The following NCOR2 variants were observed in gnomAD, a reference collection of about 807,000 sequenced individuals.
NCOR2 encodes nuclear receptor corepressor 2, also known as CTG repeat protein 26.
A neutral mutation model predicts 262.9 loss-of-function variants in NCOR2; 81 were observed. The ratio of observed to expected loss-of-function variants is 0.31; its 90% CI spans 0.26 to 0.37. NCOR2 has a LOEUF of 0.37. Among genes scored for constraint, NCOR2 ranks in the 10% least tolerant of loss-of-function variants. The pLI is 1.00. For synonymous variants in NCOR2, 1,659 were observed against 1,559.3 expected (o/e 1.06, Z -1.51); for missense variants, 3,385 against 3,621.4 (o/e 0.93, Z 1.68).
intron 1 of NCOR2, among the ~76,000 whole-genome samples, chr12:124,520,781 C>T (rs977560439): frequency 1.3e-5 from 2 of 152,186 alleles, no homozygotes; most frequent in Admixed American, 6.5e-5. Flanking sequence ...CCTTCGACGG[C>T]GACCACCCCT....
Position 124,562,892 on chromosome 12 carries a change from G to C in NCOR2, c.-165+4416C>G, listed in dbSNP as rs562083852. Among the ~76,000 whole-genome samples, 33 of 152,236 alleles carry C rather than the reference G, an allele frequency of 2.2e-4. No homozygotes were observed. The East Asian group carries it at 5.2e-3, about 24-fold the overall frequency. On this transcript the variant is annotated intron_variant, in intron 1 of 32. Coordinates refer to the NCOR2 transcript ENST00000458234. ...AGGATAAGCCAAAATGGAAACTGCAGCTCCTGTGTGTCCTGCGACACACAG... is the reference window on the plus strand; with the variant it reads ...AGGATAAGCCAAAATGGAAACTGCACCTCCTGTGTGTCCTGCGACACACAG...
intron 8 of NCOR2, among the ~76,000 whole-genome samples, chr12:124,431,741 C>T (rs980535679): frequency 6.0e-5 from 9 of 150,390 alleles, no homozygotes; most frequent in Non-Finnish European, 1.0e-4. Flanking sequence ...GTCACCCACA[C>T]GGTACACACA....
rs911374270 is a variant in NCOR2, at chr12:124,517,928, C to G, written c.-118+17637G>C. On this transcript the variant is annotated intron_variant, in intron 1 of 46. Coordinates refer to the NCOR2 transcript ENST00000404621. This position sits in a 1 kb window ranked among gnomAD's most constrained non-coding sequence, Gnocchi z 7.6. The stretch of plus-strand genomic sequence containing the variant: ...CCAGCTGCCCCCATTGGCTGACCTG[C>G]GGCCGGCCACTCAGCCCCCAGCCCT... Among the ~76,000 whole-genome samples, 3 of 152,168 alleles carry G rather than the reference C, an allele frequency of 2.0e-5. No individual in the cohort carries two copies. Among genetic ancestry groups the G allele is most frequent in the African/African-American group, 4.8e-5 (2 of 41,428 alleles).
intron 17 of NCOR2, among the ~76,000 whole-genome samples, chr12:124,380,793 G>A (rs2040357899): frequency 2.0e-5 from 3 of 152,150 alleles, no homozygotes; most frequent in South Asian, 4.2e-4. Context: ...GGGGGGCGGC[G>A]TGGGGTCTCT....
intron 1 of NCOR2, among the ~76,000 whole-genome samples, chr12:124,525,846 T>C (rs1593978433): frequency 6.6e-6 from 1 of 152,166 alleles, no homozygotes; most frequent in East Asian, 1.9e-4. Context: ...CCCTAACCTC[T>C]CTCTGCCCTC....
intron 13 of NCOR2, among the ~76,000 whole-genome samples, chr12:124,412,308 G>T (rs1018696862): frequency 2.0e-5 from 3 of 152,250 alleles, no homozygotes; most frequent in Non-Finnish European, 4.4e-5. Flanking sequence ...GCGGAGAAGG[G>T]CCTGGTGCAA....
upstream of NCOR2, among the ~76,000 whole-genome samples, chr12:124,499,527 G>A (rs1453261125): frequency 6.6e-6 from 1 of 152,252 alleles, no homozygotes; most frequent in Non-Finnish European, 1.5e-5. Flanking sequence ...GCTCCAGCTG[G>A]AGGCGCCGCT....
chr12:124,562,062 T>C (rs139139370), intron 1 of NCOR2: 1,605 of 152,314 alleles, frequency 0.011, 8 homozygotes, highest in Non-Finnish European at 0.015. Context: ...AGGAATCAGA[T>C]ACCAAGAGCC....
At chr12:124,340,617 AGCTGCTGTGGCG>A (rs761581064) in exon 35 of NCOR2, 18 of 1,497,048 alleles carry the variant, frequency 1.2e-5, no homozygotes, top group Non-Finnish European at 1.5e-5. Context: ...GAGAGTGGGG[AGCTGCTGTGGCG>A]GCTGCTGAAG....
chr12:124,381,536 G>A (rs2040408894), intron 17 of NCOR2, among the ~76,000 whole-genome samples: 1 of 152,228 alleles, frequency 6.6e-6, no homozygotes, highest in Admixed American at 6.5e-5. Context: ...ACAGTGTCTA[G>A]CACAGAACAG....
intron 33 of NCOR2, among the ~76,000 whole-genome samples, chr12:124,342,714 T>C (rs748139953): frequency 7.9e-5 from 12 of 152,218 alleles, no homozygotes; most frequent in South Asian, 2.1e-4. Flanking sequence ...AAAATGCATA[T>C]ACTCAAGTCC....
chr12:124,386,214 G>A (rs934381102), intron 16 of NCOR2, among the ~76,000 whole-genome samples: 10 of 152,062 alleles, frequency 6.6e-5, no homozygotes, highest in South Asian at 2.1e-4. Flanking sequence ...GTCTGGGGGC[G>A]GAGGGCTGTG....
In NCOR2 at chr12:124,389,877, A is replaced by ATGCC. The variant is rs1396890197; in HGVS notation, c.1877-3994_1877-3991dup. Among the ~76,000 whole-genome samples the ATGCC allele has an allele frequency of 1.3e-5, 2 of 152,082 alleles. No individual in the cohort carries two copies. Among genetic ancestry groups the ATGCC allele is most frequent in the African/African-American group, 4.8e-5 (2 of 41,420 alleles). On this transcript the variant is annotated intron_variant, in intron 16 of 46. Coordinates refer to ENST00000405201, the Ensembl canonical transcript of NCOR2. This position sits in a 1 kb window ranked among gnomAD's most constrained non-coding sequence, Gnocchi z 4.4. ...CAGCCGTGAAGGAACACTGTGGGAA[A>ATGCC]TGCCGGGGAGCCACCCAGAAGGTTG...
intron 34 of NCOR2, 38 bp downstream of exon 36, chr12:124,341,785 G>T: frequency 6.4e-7 from 1 of 1,569,038 alleles, no homozygotes. Context: ...TTGGGAATAA[G>T]GCCAAACCCA....
At chr12:124,519,096 A>ACACATACACACACACG (rs2050023621) in intron 1 of NCOR2, among the ~76,000 whole-genome samples, 1 of 143,290 alleles carries the variant, frequency 7.0e-6, no homozygotes, top group African/African-American at 2.8e-5. Flanking sequence ...TAATACACAC[A>ACACATACACACACACG]CACACACACA....
chr12:124,462,460 C>T (rs1453121433), intron 5 of NCOR2, among the ~76,000 whole-genome samples: 3 of 152,260 alleles, frequency 2.0e-5, no homozygotes, highest in African/African-American at 7.2e-5. Flanking sequence ...AGCCCCATGC[C>T]CATGAGCCCC....
intron 1 of NCOR2, among the ~76,000 whole-genome samples, chr12:124,560,179 T>C (rs1189979751): frequency 2.0e-5 from 3 of 152,090 alleles, no homozygotes; most frequent in Admixed American, 6.5e-5. Context: ...AACAGTGAGG[T>C]AGTATATTAG....
intron 20 of NCOR2, among the ~76,000 whole-genome samples, chr12:124,365,251 G>T (rs1359435149): frequency 6.6e-6 from 1 of 152,220 alleles, no homozygotes; most frequent in Non-Finnish European, 1.5e-5. Flanking sequence ...AAGCTGGCAG[G>T]TCCTGTCGGC....
At chr12:124,445,237 G>T (rs1248097357) in intron 7 of NCOR2, among the ~76,000 whole-genome samples, 1 of 152,188 alleles carries the variant, frequency 6.6e-6, no homozygotes, top group African/African-American at 2.4e-5. Context: ...CACATCCCAC[G>T]CGGGCTCCAT....
Sources: gnomAD v4.1 joint callset for allele counts (sites outside exome capture counted in the v4.1 genomes callset) on GRCh38, gnomAD v4.1.1 for gene constraint, Gnocchi (gnomAD v3.1) non-coding constraint, MANE v1.5 for transcripts, NCBI Gene and HGNC (gene_info 2026-07-23, HGNC 2026-07-21) for gene names.